SBF2: variants seen among roughly 807,000 people sequenced by gnomAD.
SBF2 encodes the protein SET binding factor 2, also known as myotubularin-related protein 13.
In SBF2, 112 loss-of-function variants were observed where a neutral mutation model predicts 225.2. The observed-to-expected ratio is 0.50, with a 90% CI of 0.43 to 0.58. The LOEUF is 0.58. Ranked by LOEUF, SBF2 falls within the 20% of genes least tolerant of loss-of-function variation. The pLI is 0.00. For synonymous variants in SBF2, 763 were observed against 773.3 expected (o/e 0.99, Z 0.22); for missense variants, 1,996 against 2,206.2 (o/e 0.90, Z 1.91).
chr11:10,164,841 T>G (rs1448238850), intron 2 of SBF2: 1 of 152,232 alleles, frequency 6.6e-6, no homozygotes, highest in Admixed American at 6.5e-5. Context: ...GATCTCAATA[T>G]CTCAACACAC....
intron 2 of SBF2, among the ~76,000 whole-genome samples, chr11:10,178,748 A>T (rs1159332021): frequency 2.1e-5 from 3 of 144,638 alleles, no homozygotes; most frequent in Non-Finnish European, 3.0e-5. Context: ...TGTTGGTGGG[A>T]CTGTAAACTA....
chr11:10,253,746 C>A (rs1960593215), intron 1 of SBF2, among the ~76,000 whole-genome samples: 1 of 151,326 alleles, frequency 6.6e-6, no homozygotes, highest in South Asian at 2.1e-4. Context: ...CCATAATTCA[C>A]ACATTAGGAA....
In SBF2 at chr11:9,856,495, C is replaced by T. The variant is rs763852706; in HGVS notation, c.2326G>A (p.Asp776Asn). ...ATGCTGTTGCTTCCGCTCTCCCAGT[C>T]ACCTGGCGCTGATGTTCTTAGGAGC... ...NKLLRTSAPGDWESGSNSIVT... is the reference protein window; with the variant it reads ...NKLLRTSAPGNWESGSNSIVT... Residue 776 changes from aspartate (D) to asparagine (N), a missense_variant, in exon 19 of 40, where the codon GAC (aspartate) becomes AAC (asparagine). By Grantham distance (23) the Asp-to-Asn change is conservative. Coordinates refer to ENST00000256190, the MANE Select transcript of SBF2 (RefSeq NM_030962.4). 1.9e-6 allele frequency: 3 copies of T among 1,614,166 alleles called. No homozygotes were observed. The African/African-American group carries it at 4.0e-5, about 22-fold the overall frequency.
At chr11:9,969,855 C>T (rs713402) in intron 13 of SBF2, among the ~76,000 whole-genome samples, 16,956 of 152,222 alleles carry the variant, frequency 0.11, 1,086 homozygotes, top group East Asian at 0.3. Context: ...CATCTAGAAA[C>T]TGCCTGGCAC....
intron 1 of SBF2, among the ~76,000 whole-genome samples, chr11:10,226,946 A>G (rs1013313822): frequency 1.3e-4 from 20 of 152,302 alleles, no homozygotes; most frequent in East Asian, 3.9e-4. Flanking sequence ...CACCAACAGT[A>G]TAAAAGTGTT....
intron 6 of SBF2, chr11:10,016,929 T>C (rs985207032): frequency 2.6e-5 from 4 of 152,204 alleles, no homozygotes; most frequent in Non-Finnish European, 5.9e-5. Flanking sequence ...AAAATCAGTT[T>C]TCTATATAAC....
intron 32 of SBF2, among the ~76,000 whole-genome samples, chr11:9,797,099 C>T (rs1853171520): frequency 6.6e-6 from 1 of 152,220 alleles, no homozygotes; most frequent in African/African-American, 2.4e-5. Flanking sequence ...CAAATTAACA[C>T]TAAATTTAGG....
intron 3 of SBF2, among the ~76,000 whole-genome samples, chr11:10,040,205 T>A (rs1034149280): frequency 6.6e-6 from 1 of 151,932 alleles, no homozygotes; most frequent in African/African-American, 2.4e-5. Flanking sequence ...AACATAAAAA[T>A]CGCCACTATG....
intron 2 of SBF2, among the ~76,000 whole-genome samples, chr11:10,178,025 CA>C (rs1956549280): frequency 6.8e-6 from 1 of 147,052 alleles, no homozygotes; most frequent in East Asian, 2.2e-4. Context: ...ACAGAGCCCT[CA>C]GAAATAACAC....
chr11:10,096,424 T>TTAA lies in SBF2; in HGVS notation c.142-53444_142-53443insTTA, dbSNP rs747744995. Among the ~76,000 whole-genome samples the TTAA allele has an allele frequency of 5.8e-3, 733 of 126,040 alleles. 1 individual carries two copies. The highest frequency in any genetic ancestry group is 0.01 in the Non-Finnish European group (611 of 60,258). 82.7% of individuals were successfully genotyped at this position (126,040 alleles called of 152,430 possible). ...ATTAGCCTTATAAGTCAAAGTTCTG[T>TTAA]AAAAAAAAAAAAAAAAAAGTAATGA... On this transcript the variant is annotated intron_variant, in intron 2 of 39. Coordinates refer to ENST00000256190, the MANE Select transcript of SBF2 (RefSeq NM_030962.4).
At chr11:10,181,798 A>G (rs1406723810) in intron 2 of SBF2, among the ~76,000 whole-genome samples, 1 of 152,166 alleles carries the variant, frequency 6.6e-6, no homozygotes, top group Non-Finnish European at 1.5e-5. Flanking sequence ...AGTGGTGATA[A>G]TAATTTGCTA....
chr11:10,107,666 C>T (rs556278961), intron 2 of SBF2, among the ~76,000 whole-genome samples: 7 of 152,262 alleles, frequency 4.6e-5, no homozygotes, highest in South Asian at 2.1e-4. Flanking sequence ...ACTTGGCATT[C>T]CTTTCCTTCT....
At chr11:9,910,765 G>A (rs1399016650) in intron 16 of SBF2, among the ~76,000 whole-genome samples, 1 of 151,448 alleles carries the variant, frequency 6.6e-6, no homozygotes, top group East Asian at 1.9e-4. Flanking sequence ...AAACACAGCT[G>A]GGGCTGGGTA....
intron 2 of SBF2, among the ~76,000 whole-genome samples, chr11:10,183,867 T>C (rs759254526): frequency 8.5e-5 from 13 of 152,314 alleles, no homozygotes; most frequent in South Asian, 2.1e-4. Context: ...AAGGAAGAGA[T>C]TGGTTAACAG....
intron 17 of SBF2, among the ~76,000 whole-genome samples, chr11:9,870,672 C>T (rs558251136): frequency 6.6e-6 from 1 of 152,124 alleles, no homozygotes; most frequent in South Asian, 2.1e-4. Flanking sequence ...CTCTTCCTTA[C>T]ACCTTATACA....
intron 16 of SBF2, among the ~76,000 whole-genome samples, chr11:9,921,334 T>G (rs1428020188): frequency 6.6e-6 from 1 of 152,146 alleles, no homozygotes; most frequent in Non-Finnish European, 1.5e-5. Context: ...CCTCCCAAAG[T>G]GCTGGGATTA....
chr11:10,217,384 T>C (rs1271130208), intron 1 of SBF2, among the ~76,000 whole-genome samples: 1 of 152,236 alleles, frequency 6.6e-6, no homozygotes, highest in Non-Finnish European at 1.5e-5. Context: ...TATATTCTTC[T>C]GTTTAATGAC....
chr11:9,837,771 C>T (rs953767654), intron 26 of SBF2, among the ~76,000 whole-genome samples: 1 of 151,738 alleles, frequency 6.6e-6, no homozygotes, highest in African/African-American at 2.4e-5. Flanking sequence ...CGGAGTGTTG[C>T]TCTGTCACCA....
chr11:9,831,824 A>G (rs373711895), intron 27 of SBF2, among the ~76,000 whole-genome samples: 1 of 152,328 alleles, frequency 6.6e-6, no homozygotes, highest in East Asian at 1.9e-4. Context: ...TGGATATCTC[A>G]TATCACATGG....
Sources: gnomAD v4.1 joint callset for allele counts (sites outside exome capture counted in the v4.1 genomes callset) on GRCh38, gnomAD v4.1.1 for gene constraint, MANE v1.5 for transcripts, NCBI Gene and HGNC (gene_info 2026-07-23, HGNC 2026-07-21) for gene names.